The following LDB2 variants were observed in gnomAD, a reference collection of about 807,000 sequenced individuals.
LDB2 encodes LIM domain binding 2, also known as LIM domain-binding protein 2.
LDB2 carries 12 observed loss-of-function variants against 44.3 expected under a neutral mutation model. The ratio of observed to expected loss-of-function variants is 0.27; its 90% confidence interval spans 0.17 to 0.44. The LOEUF (loss-of-function observed/expected upper bound fraction) is 0.44, where lower values mean the gene tolerates loss of function less well. Ranked by LOEUF, LDB2 falls within the 20% of genes least tolerant of loss-of-function variation. The pLI, the probability that LDB2 is intolerant of heterozygous loss-of-function variation, is 1.00. For synonymous variants in LDB2, 164 were observed against 174.8 expected (o/e 0.94, Z 0.49); for missense variants, 344 against 473.5 (o/e 0.73, Z 2.54).
intron 1 of LDB2, among the ~76,000 whole-genome samples, chr4:16,800,735 C>T (rs992042834): frequency 2.0e-5 from 3 of 152,144 alleles, no homozygotes; most frequent in Non-Finnish European, 2.9e-5. Context: ...AGTGCAGTGG[C>T]GCAATCTCGG....
intron 2 of LDB2, among the ~76,000 whole-genome samples, chr4:16,643,458 C>T (rs926545427): frequency 6.6e-6 from 1 of 152,126 alleles, no homozygotes; most frequent in African/African-American, 2.4e-5. Context: ...GGCTAATTGG[C>T]ACAAAATAAG....
intron 3 of LDB2, among the ~76,000 whole-genome samples, chr4:16,589,992 G>A (rs764685989): frequency 6.6e-6 from 1 of 152,136 alleles, no homozygotes; most frequent in Non-Finnish European, 1.5e-5. Context: ...AGGCTACCTG[G>A]AATTGTGCCT....
At chr4:16,804,830 T>C (rs1317939831) in intron 1 of LDB2, among the ~76,000 whole-genome samples, 2 of 152,252 alleles carry the variant, frequency 1.3e-5, no homozygotes, top group Admixed American at 6.5e-5. Flanking sequence ...TAAAGTTGAA[T>C]ATATGTCTGC....
intron 1 of LDB2, among the ~76,000 whole-genome samples, chr4:16,814,019 C>G (rs1428591481): frequency 6.6e-6 from 1 of 151,910 alleles, no homozygotes; most frequent in African/African-American, 2.4e-5. Flanking sequence ...CTACAGGCGC[C>G]CACCACCACG....
chr4:16,548,159 TAGCG>T (rs1736422420), intron 5 of LDB2, among the ~76,000 whole-genome samples: 1 of 152,050 alleles, frequency 6.6e-6, no homozygotes, highest in African/African-American at 2.4e-5. Context: ...AACTCAAGGT[TAGCG>T]AGTCCTTGTC....
Position 16,588,796 on chromosome 4 carries a change from A to G in LDB2, c.445T>C (p.Phe149Leu). ...GTTTTGATTCTCATGAGATCATCAA[A>G]GGTGAACTCCAAGATCAGTCTGCCT... ...TEGRLILEFT[F>L]DDLMRIKTWH... Residue 149 changes from phenylalanine (F) to leucine (L), a missense_variant, in exon 4 of 8, where the codon TTT becomes CTT. Phe to Leu is a conservative substitution (Grantham distance 22, BLOSUM62 0). Coordinates refer to ENST00000304523, the MANE Select transcript of LDB2 (RefSeq NM_001290.5). 1 of 1,613,878 alleles carries G rather than the reference A, an allele frequency of 6.2e-7. No homozygotes were observed. Among genetic ancestry groups the G allele is most frequent in the East Asian group, 2.2e-5 (1 of 44,878 alleles).
At chr4:16,552,249 A>G (rs1377531190) in intron 5 of LDB2, among the ~76,000 whole-genome samples, 4 of 152,222 alleles carry the variant, frequency 2.6e-5, no homozygotes, top group African/African-American at 9.6e-5. Flanking sequence ...GAATTAATGA[A>G]TATATTTCAG....
At chr4:16,628,728 C>G (rs557014228) in intron 2 of LDB2, among the ~76,000 whole-genome samples, 4 of 152,050 alleles carry the variant, frequency 2.6e-5, no homozygotes, top group Admixed American at 2.0e-4. Context: ...ACTGAGGTAC[C>G]TGGTTCATCT....
rs1006548697 is a variant in LDB2 at position 16,570,029 on chromosome 4, T to C, written c.615+15893A>G. Among the ~76,000 whole-genome samples the C allele has an allele frequency of 7.2e-5, 11 of 152,140 alleles. 1 individual carries two copies. The highest frequency in any genetic ancestry group is 1.5e-4 in the Non-Finnish European group (10 of 68,028). On this transcript the variant is annotated intron_variant, in intron 5 of 7. Coordinates refer to ENST00000304523, the MANE Select transcript of LDB2 (RefSeq NM_001290.5). ...AGTGCTCTCAAGTATTCACCCAAAG[T>C]GTTTGCTTTTTAACACTCTGACTTT...
chr4:16,525,800 A>G (rs1458282492), intron 5 of LDB2, among the ~76,000 whole-genome samples: 1 of 152,210 alleles, frequency 6.6e-6, no homozygotes, highest in Non-Finnish European at 1.5e-5. Flanking sequence ...GAGGGATATG[A>G]AATGTTGGAG....
intron 2 of LDB2, among the ~76,000 whole-genome samples, chr4:16,723,315 G>A (rs548101678): frequency 9.2e-5 from 14 of 152,300 alleles, no homozygotes; most frequent in African/African-American, 3.4e-4. Flanking sequence ...AGCACCTGGT[G>A]AGAGTCATCC....
chr4:16,600,225 C>A (rs968038972), intron 2 of LDB2, among the ~76,000 whole-genome samples: 1 of 152,134 alleles, frequency 6.6e-6, no homozygotes, highest in Non-Finnish European at 1.5e-5. Flanking sequence ...CTGTTACAAT[C>A]ATATGTCAAA....
intron 1 of LDB2, among the ~76,000 whole-genome samples, chr4:16,828,881 C>T (rs1374968765): frequency 6.6e-6 from 1 of 152,132 alleles, no homozygotes; most frequent in African/African-American, 2.4e-5. Context: ...ACACCTGCAA[C>T]ACGGCACCCT....
chr4:16,551,032 A>G (rs747437279), intron 5 of LDB2, among the ~76,000 whole-genome samples: 2 of 152,228 alleles, frequency 1.3e-5, no homozygotes, highest in East Asian at 1.9e-4. Context: ...CACCATTTAC[A>G]TTAAGTTAAA....
At chr4:16,627,520 T>C (rs1730593136) in intron 2 of LDB2, among the ~76,000 whole-genome samples, 2 of 152,186 alleles carry the variant, frequency 1.3e-5, no homozygotes, top group African/African-American at 4.8e-5. Flanking sequence ...TTGGCTGCTA[T>C]CTCTTATGTG....
intron 2 of LDB2, among the ~76,000 whole-genome samples, chr4:16,655,895 A>AATTTTTTTT (rs1560775125): frequency 5.9e-5 from 4 of 67,736 alleles, no homozygotes; most frequent in Admixed American, 1.6e-4. Flanking sequence ...CTGCAAGAAA[A>AATTTTTTTT]CTTTTTTTTT....
chr4:16,674,241 A>G, intron 2 of LDB2: 2 of 1,289,068 alleles, frequency 1.6e-6, no homozygotes, highest in Non-Finnish European at 2.0e-6. Context: ...AGGAAATTGT[A>G]ATAATCCATC....
At chr4:16,776,651 G>T (rs558438139) in intron 1 of LDB2, among the ~76,000 whole-genome samples, 7 of 152,178 alleles carry the variant, frequency 4.6e-5, no homozygotes, top group Non-Finnish European at 8.8e-5. Flanking sequence ...ACAAATCCAC[G>T]TCCTTGAAGA....
chr4:16,551,253 G>C (rs552873039), intron 5 of LDB2, among the ~76,000 whole-genome samples: 2 of 152,218 alleles, frequency 1.3e-5, no homozygotes, highest in African/African-American at 4.8e-5. Context: ...AAAATGCTGA[G>C]ATTTTTTAAA....
Sources: allele counts gnomAD v4.1 joint callset (sites outside exome capture counted in the v4.1 genomes callset), GRCh38; gene constraint gnomAD v4.1.1; transcripts MANE v1.5; gene names NCBI Gene and HGNC (gene_info 2026-07-23, HGNC 2026-07-21).